BBIP1: variants seen among roughly 807,000 people sequenced by gnomAD.
BBIP1 encodes BBSome-interacting protein 1.
Under a neutral mutation model 8.9 loss-of-function variants are expected in BBIP1, and 6 were observed. The observed-to-expected ratio is 0.67, with a 90% CI of 0.37 to 1.33. The LOEUF (loss-of-function observed/expected upper bound fraction) is 1.33. Ranked by LOEUF, BBIP1 falls within the 40% of genes most tolerant of loss-of-function variation. The pLI, the probability that BBIP1 is intolerant of heterozygous loss-of-function variation, is 0.02. For missense variants in BBIP1, 111 were observed against 109.2 expected (o/e 1.02, Z -0.07); for synonymous variants, 32 against 33.4 (o/e 0.96, Z 0.14).
At chr10:110,903,696 A>T (rs545645884) in intron 2 of BBIP1, 1 of 152,404 alleles carries the variant, frequency 6.6e-6, no homozygotes, top group South Asian at 2.1e-4. Flanking sequence ...TGGTGCAAAC[A>T]TCCTAAGAGT....
chr10:110,919,276 C>CG (rs1451717257), upstream of BBIP1: 1 of 294,494 alleles, frequency 3.4e-6, no homozygotes, highest in Non-Finnish European at 6.2e-6. Context: ...AACTTCCGAT[C>CG]GGGGAGTTGT....
At chr10:110,904,624 C>T (rs1054589567) in intron 2 of BBIP1, 3 of 152,170 alleles carry the variant, frequency 2.0e-5, no homozygotes, top group African/African-American at 7.2e-5. Context: ...TTTTGCAGTA[C>T]TGTATCTACT....
chr10:110,918,694 C>A (rs930321354), intron 1 of BBIP1, among the ~76,000 whole-genome samples: 7 of 152,176 alleles, frequency 4.6e-5, no homozygotes, highest in African/African-American at 1.7e-4. Flanking sequence ...CCACAGGGAG[C>A]CTCACGGGGG....
intron 2 of BBIP1, chr10:110,912,059 A>C (rs1333040486): frequency 6.6e-6 from 1 of 152,190 alleles, no homozygotes; most frequent in Non-Finnish European, 1.5e-5. Context: ...TAAGCGCAGC[A>C]TATTGACTAA....
chr10:110,904,356 T>C (rs58164562), intron 2 of BBIP1: 17,468 of 152,184 alleles, frequency 0.11, 1,579 homozygotes, highest in East Asian at 0.25. Flanking sequence ...AACAACAGCA[T>C]GCCAGAAGGT....
chr10:110,903,947 T>C (rs1049643872), intron 2 of BBIP1: 10 of 152,178 alleles, frequency 6.6e-5, no homozygotes, highest in Non-Finnish European at 1.3e-4. Context: ...CATTAAGCAA[T>C]AGGAATTTTT....
At chr10:110,908,431 A>C (rs1490780877) in intron 2 of BBIP1, among the ~76,000 whole-genome samples, 2 of 152,214 alleles carry the variant, frequency 1.3e-5, no homozygotes, top group Non-Finnish European at 2.9e-5. Flanking sequence ...TATTACATGA[A>C]CATCCATTAC....
chr10:110,914,974 TGA>T (rs1283552220), intron 2 of BBIP1, among the ~76,000 whole-genome samples: 3 of 152,188 alleles, frequency 2.0e-5, no homozygotes, highest in Non-Finnish European at 4.4e-5. Context: ...GCTCAGCACC[TGA>T]GATATTTAGT....
At chr10:110,909,656 A>G (rs926463477) in intron 2 of BBIP1, among the ~76,000 whole-genome samples, 2 of 152,254 alleles carry the variant, frequency 1.3e-5, no homozygotes, top group African/African-American at 4.8e-5. Context: ...TTCTCTGTTC[A>G]AGAAAGTATA....
At chr10:110,910,029 C>G (rs191518648) in intron 2 of BBIP1, among the ~76,000 whole-genome samples, 1 of 152,210 alleles carries the variant, frequency 6.6e-6, no homozygotes, top group Non-Finnish European at 1.5e-5. Flanking sequence ...TAATTGAATA[C>G]AATGTACTTT....
At position 110,899,347 on chromosome 10, in the gene BBIP1, C is replaced by T. The variant is rs1845915467; in HGVS notation, c.*1013G>A. ...TTCATATTTACCTCATGGGCTTTAT[C>T]AAGCCCATATTACCTCAGCTTATAT... On this transcript the variant is annotated 3_prime_UTR_variant, in exon 4 of 4. Transcript: ENST00000448814. 6.6e-6 allele frequency: 1 copy of T among 152,170 alleles called. No individual in the cohort carries two copies. Among genetic ancestry groups the T allele is most frequent in the Non-Finnish European group, 1.5e-5 (1 of 68,036 alleles). The allele number at this position is 152,170 out of a possible 1,614,324, so 9.4% of individuals were successfully genotyped here. A position where few individuals can be genotyped will look rare whatever the true frequency, so the allele number is the denominator to read the frequency against.
chr10:110,909,035 G>C (rs1846209547), intron 2 of BBIP1, among the ~76,000 whole-genome samples: 1 of 152,124 alleles, frequency 6.6e-6, no homozygotes, highest in Non-Finnish European at 1.5e-5. Context: ...CATAAAGCTA[G>C]GGAAAGACAA....
intron 2 of BBIP1, chr10:110,911,590 C>CA (rs1846277444): frequency 6.6e-6 from 1 of 151,734 alleles, no homozygotes; most frequent in Non-Finnish European, 1.5e-5. Context: ...CCTCCCACTG[C>CA]ATCTCCCAGT....
intron 2 of BBIP1, chr10:110,907,647 A>G (rs1846178094): frequency 1.6e-6 from 1 of 627,940 alleles, no homozygotes; most frequent in Non-Finnish European, 2.9e-6. Flanking sequence ...CTACATATAA[A>G]AGTTTAGGAT....
chr10:110,918,353 A>C, intron 1 of BBIP1, 140 bp from the exon 2 acceptor site: 1 of 564,332 alleles, frequency 1.8e-6, no homozygotes, highest in Non-Finnish European at 3.1e-6. Flanking sequence ...GCTTACAAAG[A>C]CTCAAAGGAG....
At position 110,900,290 on chromosome 10, in the gene BBIP1, G is replaced by C. The variant is rs1332658032; in HGVS notation, c.*70C>G. On this transcript the variant is annotated 3_prime_UTR_variant, in exon 4 of 4. Transcript: ENST00000448814. Reference sequence around the variant, plus strand: ...TAACACATACTACTTTCAGCACACAGAAGCATATTTTCTAGTTATTGTTAA... The same window carrying C: ...TAACACATACTACTTTCAGCACACACAAGCATATTTTCTAGTTATTGTTAA... The C allele has an allele frequency of 7.3e-6, 10 of 1,363,444 alleles. No individual in the cohort carries two copies. Among genetic ancestry groups the C allele is most frequent in the East Asian group, 2.6e-5 (1 of 39,072 alleles). 84.5% of individuals were successfully genotyped at this position (1,363,444 alleles called of 1,614,324 possible). A position where few individuals can be genotyped will look rare whatever the true frequency, so the allele number is the denominator to read the frequency against.
chr10:110,906,147 C>T (rs1846130083), intron 2 of BBIP1, among the ~76,000 whole-genome samples: 2 of 151,974 alleles, frequency 1.3e-5, no homozygotes, highest in Non-Finnish European at 2.9e-5. Context: ...GGACTACAGG[C>T]GCCCGCCACC....
chr10:110,903,170 C>A (rs540130155), intron 2 of BBIP1: 52 of 152,248 alleles, frequency 3.4e-4, no homozygotes, highest in African/African-American at 1.2e-3. Flanking sequence ...TATGTATCAC[C>A]AAAATGCTAA....
At chr10:110,918,091 T>G in intron 2 of BBIP1, 30 bp downstream of exon 2, 1 of 1,530,720 alleles carries the variant, frequency 6.5e-7, no homozygotes. Context: ...TATTGTTGAC[T>G]GGCTGGATAT....
Sources: gnomAD v4.1 joint callset for allele counts (sites outside exome capture counted in the v4.1 genomes callset) on GRCh38, gnomAD v4.1.1 for gene constraint, MANE v1.5 for transcripts, NCBI Gene and HGNC (gene_info 2026-07-23, HGNC 2026-07-21) for gene names.